The following ACYP2 variants were observed in gnomAD, a reference collection of about 807,000 sequenced individuals.
ACYP2 encodes acylphosphatase 2.
In ACYP2, 12 loss-of-function variants were observed where a neutral mutation model predicts 11.2. The ratio of observed to expected loss-of-function variants is 1.08; its 90% CI spans 0.69 to 1.74. ACYP2 has a LOEUF of 1.74. ACYP2 is among the 40% of genes most tolerant of loss of function. ACYP2 has a pLI of 0.00. For synonymous variants in ACYP2, 43 were observed against 32.2 expected (o/e 1.33, Z -1.13); for missense variants, 134 against 101.9 (o/e 1.31, Z -1.35).
intron 6 of ACYP2, among the ~76,000 whole-genome samples, chr2:54,159,122 T>A (rs906214423): frequency 3.6e-4 from 55 of 151,972 alleles, no homozygotes; most frequent in African/African-American, 1.2e-3. Flanking sequence ...TGGCCCTTCG[T>A]CTGTGGCAGG....
chr2:54,169,832 C>T lies in ACYP2; in HGVS notation c.404+31084C>T, dbSNP rs192020509. 1.3e-3 allele frequency among the ~76,000 whole-genome samples: 203 copies of T among 152,296 alleles called. 2 individuals carry two copies. Among genetic ancestry groups the T allele is most frequent in the Non-Finnish European group, 2.2e-3 (151 of 68,010 alleles). On this transcript the variant is annotated intron_variant, in intron 6 of 6. Transcript: ENST00000607452. Reference sequence around the variant, plus strand: ...TAAAAACCAGCAACTACTGCCTCTTCAACCCATCCCATCCCACTCCTCAAC... The same window carrying T: ...TAAAAACCAGCAACTACTGCCTCTTTAACCCATCCCATCCCACTCCTCAAC...
intron 2 of ACYP2, among the ~76,000 whole-genome samples, chr2:54,021,069 G>GC (rs1228785551): frequency 6.6e-6 from 1 of 152,176 alleles, no homozygotes; most frequent in Non-Finnish European, 1.5e-5. Flanking sequence ...GATGCAGGTA[G>GC]CCCCTACTGC....
At chr2:54,090,258 C>G (rs1678155094) in intron 4 of ACYP2, among the ~76,000 whole-genome samples, 1 of 152,196 alleles carries the variant, frequency 6.6e-6, no homozygotes, top group Admixed American at 6.5e-5. Context: ...TGCTCTCACC[C>G]TGCCTTGCCC....
At chr2:53,977,065 T>C (rs1315876877) in intron 2 of ACYP2, among the ~76,000 whole-genome samples, 1 of 152,186 alleles carries the variant, frequency 6.6e-6, no homozygotes, top group Non-Finnish European at 1.5e-5. Context: ...CTTTTCTTTT[T>C]CAGATGGAGT....
At chr2:54,157,126 A>C (rs1216307174) in intron 6 of ACYP2, among the ~76,000 whole-genome samples, 1 of 152,184 alleles carries the variant, frequency 6.6e-6, no homozygotes, top group Non-Finnish European at 1.5e-5. Flanking sequence ...AATGATGTGG[A>C]TTTATGTGGA....
chr2:54,065,681 C>T (rs1676707579), intron 4 of ACYP2: 1 of 394,654 alleles, frequency 2.5e-6, no homozygotes. Flanking sequence ...TTGCTCCTTA[C>T]ACATATTGGT....
In ACYP2 at chr2:53,975,524, A is replaced by G. The variant is rs557690202; in HGVS notation, c.62+1714A>G. 1.9e-5 allele frequency: 7 copies of G among 372,550 alleles called. No individual in the cohort carries two copies. In the South Asian group the frequency reaches 1.0e-3, roughly 55 times the overall value. The allele number at this position is 372,550 out of a possible 1,614,324, so 23.1% of individuals were successfully genotyped here. A position where few individuals can be genotyped will look rare whatever the true frequency, so the allele number is the denominator to read the frequency against. The stretch of plus-strand genomic sequence containing the variant: ...TCTTGAAGGTCAGGAGACACTGCCA[A>G]AGGATAACAGCACGTTATCCTTTTG... On this transcript the variant is annotated intron_variant, in intron 2 of 6. Coordinates refer to ENST00000607452, the MANE Select transcript of ACYP2 (RefSeq NM_001320586.2).
intron 4 of ACYP2, among the ~76,000 whole-genome samples, chr2:54,071,930 G>T (rs188126923): frequency 3.3e-5 from 5 of 152,088 alleles, no homozygotes; most frequent in African/African-American, 4.8e-5. Flanking sequence ...AGAATCATTT[G>T]AACCCAGGAG....
At chr2:54,227,533 G>A (rs993022575) in intron 6 of ACYP2, among the ~76,000 whole-genome samples, 1 of 151,998 alleles carries the variant, frequency 6.6e-6, no homozygotes, top group Non-Finnish European at 1.5e-5. Context: ...CCAGCTACTT[G>A]GGAGGCTGAG....
At chr2:54,171,781 T>G (rs1387036289) in intron 6 of ACYP2, among the ~76,000 whole-genome samples, 2 of 152,198 alleles carry the variant, frequency 1.3e-5, no homozygotes, top group Non-Finnish European at 2.9e-5. Flanking sequence ...TTCGGTGTCT[T>G]AGGAAACAAG....
intron 6 of ACYP2, among the ~76,000 whole-genome samples, chr2:54,152,878 G>T (rs753721228): frequency 1.6e-4 from 24 of 152,046 alleles, no homozygotes; most frequent in Non-Finnish European, 3.2e-4. Flanking sequence ...TGCCCAGGCT[G>T]GTCTCAAAAC....
Position 54,057,907 on chromosome 2 carries a change from A to C in ACYP2, c.277+547A>C, listed in dbSNP as rs532412963. ...TTTTGATTTGGTTATTAAATGCCAA[A>C]CAGATGTGGTGTAGTAAATGTAAAG... On this transcript the variant is annotated intron_variant, in intron 4 of 6. Coordinates refer to ENST00000607452, the MANE Select transcript of ACYP2 (RefSeq NM_001320586.2). 2.0e-4 allele frequency among the ~76,000 whole-genome samples: 30 copies of C among 152,322 alleles called. No individual in the cohort carries two copies. The South Asian group carries it at 5.6e-3, about 28-fold the overall frequency.
At chr2:54,184,317 C>T (rs1572902344) in intron 6 of ACYP2, among the ~76,000 whole-genome samples, 1 of 152,052 alleles carries the variant, frequency 6.6e-6, no homozygotes, top group Admixed American at 6.6e-5. Flanking sequence ...CAGTTCTAAG[C>T]GCCACATTCG....
intron 4 of ACYP2, among the ~76,000 whole-genome samples, chr2:54,119,091 T>G (rs1679992144): frequency 7.9e-6 from 1 of 126,844 alleles, no homozygotes; most frequent in African/African-American, 3.1e-5. Flanking sequence ...TTTAACAGGG[T>G]CTCATTATGT....
chr2:54,213,180 G>C (rs558753280), intron 6 of ACYP2, among the ~76,000 whole-genome samples: 1 of 152,104 alleles, frequency 6.6e-6, no homozygotes, highest in Admixed American at 6.6e-5. Flanking sequence ...TTTTAAGAGA[G>C]AACATTGGTA....
intron 4 of ACYP2, among the ~76,000 whole-genome samples, chr2:54,072,513 T>TTTTTTGTTCTTTCTTTCTTTCC (rs148411653): frequency 6.8e-6 from 1 of 146,056 alleles, no homozygotes; most frequent in Non-Finnish European, 1.5e-5. Flanking sequence ...CTCTCTCTCT[T>TTTTTTGTTCTTTCTTTCTTTCC]TCTTTCTTCT....
chr2:54,298,330 G>C (rs1163273015), intron 6 of ACYP2, among the ~76,000 whole-genome samples: 1 of 121,822 alleles, frequency 8.2e-6, no homozygotes, highest in Admixed American at 9.0e-5. Context: ...CATAATTCCA[G>C]ATTTATGAAA....
intron 6 of ACYP2, among the ~76,000 whole-genome samples, chr2:54,153,900 C>T (rs576576748): frequency 3.4e-4 from 51 of 152,092 alleles, no homozygotes; most frequent in African/African-American, 2.9e-4. Flanking sequence ...GCACCTGGCC[C>T]GTAGTTGGAC....
chr2:54,118,131 A>G (rs1334695312), intron 4 of ACYP2, among the ~76,000 whole-genome samples: 1 of 152,222 alleles, frequency 6.6e-6, no homozygotes, highest in Non-Finnish European at 1.5e-5. Flanking sequence ...CAGTTTTAGG[A>G]AGGAATATAT....
Sources: allele counts gnomAD v4.1 joint callset (sites outside exome capture counted in the v4.1 genomes callset), GRCh38; gene constraint gnomAD v4.1.1; transcripts MANE v1.5; gene names NCBI Gene and HGNC (gene_info 2026-07-23, HGNC 2026-07-21).